Variants in CEP57L1 observed in about 807,000 individuals in gnomAD.
The protein encoded by CEP57L1 is centrosomal protein CEP57L1.
A neutral mutation model predicts 61.0 loss-of-function variants in CEP57L1; 37 were observed. The observed-to-expected ratio is 0.61, with a 90% confidence interval of 0.47 to 0.80. The LOEUF is 0.80. Ranked by LOEUF, CEP57L1 falls within the 30% of genes least tolerant of loss-of-function variation. CEP57L1 has a pLI of 0.00. For synonymous variants in CEP57L1, 137 were observed against 162.3 expected (o/e 0.84, Z 1.19); for missense variants, 422 against 524.7 (o/e 0.80, Z 1.91).
rs1774315245 is a variant in CEP57L1 at position 109,169,723 on chromosome 6, C to T, written c.*6753C>T. Among the ~76,000 whole-genome samples, 1 of 152,136 alleles carries T rather than the reference C, an allele frequency of 6.6e-6. No homozygotes were observed. Among genetic ancestry groups the T allele is most frequent in the Admixed American group, 6.5e-5 (1 of 15,268 alleles). On this transcript the variant is annotated 3_prime_UTR_variant, in exon 11 of 11. Coordinates refer to ENST00000517392, the MANE Select transcript of CEP57L1 (RefSeq NM_001271852.3). ...CTTATGATTAAGAAAGAAATTTGCT[C>T]TGTAGGTGCTTCAGACAGTTTTACA...
At chr6:109,142,151 CAGTG>C (rs1310050000) in intron 1 of CEP57L1, among the ~76,000 whole-genome samples, 3 of 152,098 alleles carry the variant, frequency 2.0e-5, no homozygotes, top group African/African-American at 4.8e-5. Context: ...ACCATAAAAA[CAGTG>C]AGTAATTTCC....
rs759142756 is a variant in CEP57L1 at position 109,162,734 on chromosome 6, T to A, written c.1162-15T>A. ...ATATTTTTGACTAAAATGTTAGATT[T>A]TTTTTTCTCTCCAGGTCTGTAAACT... is the stretch of plus-strand genomic sequence containing the variant. On this transcript the variant is annotated splice_polypyrimidine_tract_variant and intron_variant, in intron 10 of 10. Transcript: ENST00000517392. 7.7e-6 allele frequency: 12 copies of A among 1,549,210 alleles called. No individual in the cohort carries two copies. Among genetic ancestry groups the A allele is most frequent in the Non-Finnish European group, 1.1e-5 (12 of 1,138,200 alleles).
At chr6:109,113,007 C>G (rs938433661) in intron 1 of CEP57L1, among the ~76,000 whole-genome samples, 3 of 152,072 alleles carry the variant, frequency 2.0e-5, no homozygotes, top group African/African-American at 7.2e-5. Flanking sequence ...GTGGAGAGTT[C>G]TGTAGATGTC....
At chr6:109,108,596 C>T (rs1362753296) in intron 1 of CEP57L1, among the ~76,000 whole-genome samples, 1 of 152,020 alleles carries the variant, frequency 6.6e-6, no homozygotes, top group Non-Finnish European at 1.5e-5. Context: ...CCTGTGAGAC[C>T]TTGTGCTGTG....
In CEP57L1 at chr6:109,145,357, A is replaced by T. The variant is rs1276993119; in HGVS notation, c.136A>T (p.Ile46Leu). ...PANLEVTSPK[I>L]LHSPNSQALI... ...AAACTTAGAAGTTACCTCTCCTAAG[A>T]TACTTCATAGCCCAAATAGCCAAGG... Residue 46 changes from isoleucine (I) to leucine (L), a missense_variant, in exon 2 of 11, where the codon ATA becomes TTA. Transcript: ENST00000517392. 7 of 1,607,404 alleles carry T rather than the reference A, an allele frequency of 4.4e-6. No individual in the cohort carries two copies. Among genetic ancestry groups the T allele is most frequent in the Non-Finnish European group, 5.9e-6 (7 of 1,176,566 alleles).
intron 3 of CEP57L1, among the ~76,000 whole-genome samples, chr6:109,148,969 T>G (rs1360666834): frequency 2.0e-5 from 3 of 152,216 alleles, no homozygotes; most frequent in Non-Finnish European, 4.4e-5. Flanking sequence ...TGGGGCTGTT[T>G]GTTTTTTTCT....
rs1171627579 is a variant in CEP57L1 at position 109,170,766 on chromosome 6, G to C, written c.*7796G>C. Among the ~76,000 whole-genome samples the C allele has an allele frequency of 6.6e-6, 1 of 152,094 alleles. No homozygotes were observed. The highest frequency in any genetic ancestry group is 1.9e-4 in the East Asian group (1 of 5,186). ...TTTAATATCTTACAAAATATTTTCA[G>C]AGATAGCTTATCCAAAATATGTAAT... On this transcript the variant is annotated 3_prime_UTR_variant, in exon 11 of 11. Coordinates refer to ENST00000517392, the MANE Select transcript of CEP57L1 (RefSeq NM_001271852.3).
intron 1 of CEP57L1, among the ~76,000 whole-genome samples, chr6:109,101,659 C>A (rs1337353878): frequency 1.5e-5 from 2 of 135,946 alleles, no homozygotes; most frequent in Non-Finnish European, 3.0e-5. Flanking sequence ...CTCACTCTTT[C>A]GCACAGGCTG....
chr6:109,095,223 A>T, upstream of CEP57L1: 1 of 985,396 alleles, frequency 1.0e-6, no homozygotes, highest in Non-Finnish European at 1.2e-6. Context: ...GGACGTTTGG[A>T]CTCTGTCCTG....
At chr6:109,103,791 G>A (rs376396596) in intron 1 of CEP57L1, among the ~76,000 whole-genome samples, 6 of 151,894 alleles carry the variant, frequency 4.0e-5, no homozygotes, top group South Asian at 4.2e-4. Flanking sequence ...AGCAATATAC[G>A]CAACATACAA....
At chr6:109,152,627 ATGTGCGTGCGTGTGTG>A (rs1772743151) in intron 4 of CEP57L1, among the ~76,000 whole-genome samples, 1 of 133,252 alleles carries the variant, frequency 7.5e-6, no homozygotes, top group African/African-American at 2.9e-5. Flanking sequence ...TAGCATATAG[ATGTGCGTGCGTGTGTG>A]TGTGTGTGTG....
chr6:109,160,804 G>A lies in CEP57L1; in HGVS notation c.1161+88G>A, dbSNP rs114288644. ...CTCTGTATGACTTTCCAAATTTGAG[G>A]TCTGTATATGGGATTTAGTGAAAAG... is the stretch of plus-strand genomic sequence containing the variant. On this transcript the variant is annotated intron_variant, in intron 10 of 10. Coordinates refer to ENST00000517392, the MANE Select transcript of CEP57L1 (RefSeq NM_001271852.3). 2,161 of 1,300,608 alleles carry A rather than the reference G, an allele frequency of 1.7e-3. 39 individuals carry two copies. In the African/African-American group the frequency reaches 0.03, roughly 18 times the overall value. The allele number at this position is 1,300,608 out of a possible 1,614,324, so 80.6% of individuals were successfully genotyped here. A position where few individuals can be genotyped will look rare whatever the true frequency, so the allele number is the denominator to read the frequency against.
chr6:109,104,832 C>A (rs955894790), intron 1 of CEP57L1, among the ~76,000 whole-genome samples: 2 of 152,160 alleles, frequency 1.3e-5, no homozygotes, highest in Non-Finnish European at 2.9e-5. Flanking sequence ...AGAAGTCCTC[C>A]CACCTCAGCC....
At chr6:109,155,020 G>C (rs1427820131) in intron 5 of CEP57L1, among the ~76,000 whole-genome samples, 2 of 151,916 alleles carry the variant, frequency 1.3e-5, no homozygotes, top group Non-Finnish European at 2.9e-5. Context: ...TGTTCTTCTT[G>C]TATGTAATAG....
intron 1 of CEP57L1, among the ~76,000 whole-genome samples, chr6:109,132,916 T>G (rs977590174): frequency 1.3e-5 from 2 of 152,192 alleles, no homozygotes; most frequent in African/African-American, 4.8e-5. Flanking sequence ...GAAGTGTCCC[T>G]TATGCTTATT....
At chr6:109,158,853 A>T in intron 7 of CEP57L1, 172 bp from the exon 8 acceptor site, 1 of 635,076 alleles carries the variant, frequency 1.6e-6, no homozygotes, top group East Asian at 2.8e-5. Context: ...AATGATGTTG[A>T]ATATCTTTTC....
rs535726827 is a variant in CEP57L1 at position 109,139,933 on chromosome 6, G to C, written c.-3-5286G>C. On this transcript the variant is annotated intron_variant, in intron 1 of 10. Coordinates refer to ENST00000517392, the MANE Select transcript of CEP57L1 (RefSeq NM_001271852.3). ...AGGCATGAACCACCATGCCCAGGCT[G>C]GAATTTTCCATTAATATTTTCTGAA... Among the ~76,000 whole-genome samples, 26 of 152,186 alleles carry C rather than the reference G, an allele frequency of 1.7e-4. No homozygotes were observed. The East Asian group carries it at 4.6e-3, about 27-fold the overall frequency.
At chr6:109,147,750 A>C (rs1772125403) in intron 3 of CEP57L1, among the ~76,000 whole-genome samples, 1 of 152,186 alleles carries the variant, frequency 6.6e-6, no homozygotes, top group Non-Finnish European at 1.5e-5. Flanking sequence ...CATATACTTG[A>C]GTTTCCTGAA....
At chr6:109,106,982 G>A (rs1434599685) in intron 1 of CEP57L1, among the ~76,000 whole-genome samples, 2 of 152,036 alleles carry the variant, frequency 1.3e-5, no homozygotes, top group African/African-American at 2.4e-5. Flanking sequence ...TAACATGTAC[G>A]TATAAAAGAT....
Sources: gnomAD v4.1 joint callset for allele counts (sites outside exome capture counted in the v4.1 genomes callset) on GRCh38, gnomAD v4.1.1 for gene constraint, MANE v1.5 for transcripts, NCBI Gene and HGNC (gene_info 2026-07-23, HGNC 2026-07-21) for gene names.